Variants in MYOF observed in about 807,000 individuals in gnomAD.
MYOF encodes the protein fer-1-like 3, myoferlin.
Under a neutral mutation model 284.2 loss-of-function variants are expected in MYOF, and 244 were observed. The observed-to-expected ratio is 0.86, with a 90% CI of 0.77 to 0.95. The LOEUF is 0.95. Among genes scored for constraint, MYOF ranks in the 40% least tolerant of loss-of-function variants. The probability of loss-of-function intolerance (pLI) is 0.00; values close to 1 mark genes in which losing one functional copy is unlikely to be tolerated. For missense variants in MYOF, 2,496 were observed against 2,560.6 expected, an observed-to-expected ratio of 0.97 and a Z score of 0.54; for synonymous variants, 904 against 919.7, an observed-to-expected ratio of 0.98 and a Z score of 0.31.
intron 16 of MYOF, among the ~76,000 whole-genome samples, chr10:93,394,743 A>T (rs1308916254): frequency 6.8e-6 from 1 of 147,944 alleles, no homozygotes. Context: ...TACAGGAGTG[A>T]GCCACTGGGC....
chr10:93,372,579 A>C (rs1368205105), intron 24 of MYOF, among the ~76,000 whole-genome samples: 2 of 152,196 alleles, frequency 1.3e-5, no homozygotes, highest in African/African-American at 4.8e-5. Flanking sequence ...AACCATCCCT[A>C]CTGCTTTCTC....
chr10:93,423,468 A>C, intron 5 of MYOF, among the ~76,000 whole-genome samples: 1 of 149,130 alleles, frequency 6.7e-6, no homozygotes, highest in Non-Finnish European at 1.5e-5. Context: ...AGAGGTTGCA[A>C]TAAGCTGAGA....
At chr10:93,411,031 A>G (rs927870247) in intron 5 of MYOF, among the ~76,000 whole-genome samples, 5 of 152,258 alleles carry the variant, frequency 3.3e-5, no homozygotes, top group Admixed American at 6.5e-5. Flanking sequence ...GGGGAAAATA[A>G]TAGTATTTAC....
intron 38 of MYOF, 76 bp downstream of exon 38, chr10:93,343,780 G>A: frequency 6.9e-7 from 1 of 1,452,372 alleles, no homozygotes. Context: ...TTGTTTGACT[G>A]AATTCACCAA....
At chr10:93,479,921 T>G (rs2057351208) in intron 1 of MYOF, among the ~76,000 whole-genome samples, 1 of 152,256 alleles carries the variant, frequency 6.6e-6, no homozygotes, top group African/African-American at 2.4e-5. Flanking sequence ...TTGTTTGCAT[T>G]CATTGACTTA....
intron 5 of MYOF, among the ~76,000 whole-genome samples, chr10:93,421,606 T>C (rs1051503046): frequency 3.3e-5 from 5 of 152,182 alleles, no homozygotes; most frequent in Non-Finnish European, 5.9e-5. Flanking sequence ...TCCGCAGTAA[T>C]GAATGAGTTC....
chr10:93,332,093 T>C (rs1843333379), intron 43 of MYOF, among the ~76,000 whole-genome samples: 1 of 152,224 alleles, frequency 6.6e-6, no homozygotes, highest in Admixed American at 6.5e-5. Context: ...CCCTGTTTTC[T>C]GCACCTGTAC....
chr10:93,461,422 GAC>G (rs1461677202), intron 1 of MYOF, among the ~76,000 whole-genome samples: 1 of 152,198 alleles, frequency 6.6e-6, no homozygotes. Context: ...GGCTATACGG[GAC>G]TGATAGAGAA....
At chr10:93,415,023 C>T (rs1030068650) in intron 5 of MYOF, among the ~76,000 whole-genome samples, 12 of 152,098 alleles carry the variant, frequency 7.9e-5, no homozygotes, top group Admixed American at 2.0e-4. Context: ...GGATTATAAG[C>T]GTGAGCCACC....
chr10:93,408,697 C>A, intron 7 of MYOF, 90 bp downstream of exon 7: 4 of 1,538,820 alleles, frequency 2.6e-6, no homozygotes, highest in Non-Finnish European at 3.6e-6. Flanking sequence ...CTACTTGGAA[C>A]TCAGTGGTGT....
rs148825589 is a variant in MYOF, at chr10:93,421,221, A to G, written c.433+4850T>C. On this transcript the variant is annotated intron_variant, in intron 5 of 53. Transcript: ENST00000359263. ...GACAGACTGAGATTCCACTTCAAAA[A>G]AAAGAAAGAAAGAAAGAAAGTTAAT... Among the ~76,000 whole-genome samples, 322 of 152,342 alleles carry G rather than the reference A, an allele frequency of 2.1e-3. 3 individuals carry two copies. The highest frequency in any genetic ancestry group is 5.7e-3 in the African/African-American group (235 of 41,562).
chr10:93,422,344 G>C (rs1848388294), intron 5 of MYOF, among the ~76,000 whole-genome samples: 1 of 152,196 alleles, frequency 6.6e-6, no homozygotes, highest in African/African-American at 2.4e-5. Flanking sequence ...CAGTTCCCTG[G>C]TGCTGAGCCC....
chr10:93,422,847 A>G (rs1353996770), intron 5 of MYOF, among the ~76,000 whole-genome samples: 1 of 152,152 alleles, frequency 6.6e-6, no homozygotes, highest in African/African-American at 2.4e-5. Flanking sequence ...CTTTATAAAT[A>G]CTAACAAATG....
intron 19 of MYOF, among the ~76,000 whole-genome samples, chr10:93,387,177 C>T (rs532158775): frequency 6.6e-6 from 1 of 152,272 alleles, no homozygotes; most frequent in East Asian, 1.9e-4. Flanking sequence ...CAGGGCAGGG[C>T]CTGTCCTGTG....
intron 32 of MYOF, 103 bp downstream of exon 32, chr10:93,353,708 G>A: frequency 1.1e-6 from 1 of 927,156 alleles, no homozygotes; most frequent in Non-Finnish European, 1.6e-6. Flanking sequence ...AACATGTAAA[G>A]GGTTTTTGTT....
intron 16 of MYOF, among the ~76,000 whole-genome samples, chr10:93,394,813 A>G (rs1344108401): frequency 6.7e-6 from 1 of 150,022 alleles, no homozygotes; most frequent in Middle Eastern, 3.5e-3. Context: ...GAGGAAATCT[A>G]TATGTTCTTC....
intron 3 of MYOF, among the ~76,000 whole-genome samples, chr10:93,446,414 C>A (rs559817791): frequency 6.6e-6 from 1 of 152,106 alleles, no homozygotes; most frequent in Non-Finnish European, 1.5e-5. Context: ...TAGCATCACC[C>A]GATTAATTTC....
intron 12 of MYOF, among the ~76,000 whole-genome samples, chr10:93,400,110 A>C (rs1363584381): frequency 6.6e-6 from 1 of 152,182 alleles, no homozygotes; most frequent in Admixed American, 6.5e-5. Context: ...GTGAGAGTAA[A>C]AGATGATTCT....
chr10:93,381,076 A>T lies in MYOF; in HGVS notation c.1876+143T>A, dbSNP rs1846087584. ...TTTAAGGTGCCTGAACCCCAACCAC[A>T]CTCTCTTCCTCATTCAACCTTTTCC... On this transcript the variant is annotated intron_variant, in intron 20 of 53. Coordinates refer to ENST00000359263, the MANE Select transcript of MYOF (RefSeq NM_013451.4). 3 of 932,330 alleles carry T rather than the reference A, an allele frequency of 3.2e-6. No homozygotes were observed. In the African/African-American group the frequency reaches 5.0e-5, roughly 16 times the overall value. The allele number at this position is 932,330 out of a possible 1,614,324, so 57.8% of individuals were successfully genotyped here.
Sources: allele counts gnomAD v4.1 joint callset (sites outside exome capture counted in the v4.1 genomes callset), GRCh38; gene constraint gnomAD v4.1.1; transcripts MANE v1.5; gene names NCBI Gene and HGNC (gene_info 2026-07-23, HGNC 2026-07-21).